The following USP34 variants were observed in gnomAD, a reference collection of about 807,000 sequenced individuals.
USP34 encodes the protein ubiquitin carboxyl-terminal hydrolase 34.
Under a neutral mutation model 460.3 loss-of-function variants are expected in USP34, and 70 were observed. The observed-to-expected ratio is 0.15, with a 90% CI of 0.13 to 0.19. The LOEUF (loss-of-function observed/expected upper bound fraction) is 0.19, where lower values mean the gene tolerates loss of function less well. Ranked by LOEUF, USP34 falls within the 10% of genes least tolerant of loss-of-function variation. The pLI is 1.00. For synonymous variants in USP34, 1,647 were observed against 1,405.3 expected, an observed-to-expected ratio of 1.17 and a Z score of -3.85; for missense variants, 3,985 against 4,236.2, an observed-to-expected ratio of 0.94 and a Z score of 1.65.
At chr2:61,271,383 A>G (rs1467718406) in intron 41 of USP34, among the ~76,000 whole-genome samples, 2 of 152,198 alleles carry the variant, frequency 1.3e-5, no homozygotes, top group African/African-American at 4.8e-5. Flanking sequence ...ATTTATTTCC[A>G]TGAAGTATAA....
intron 1 of USP34, among the ~76,000 whole-genome samples, chr2:61,447,143 T>A (rs1327925986): frequency 1.3e-5 from 2 of 151,198 alleles, no homozygotes; most frequent in East Asian, 3.9e-4. Context: ...CAGTCTCAGC[T>A]ACTCGGGAGG....
chr2:61,355,610 AAACAACAAC>A (rs140976123), intron 10 of USP34, among the ~76,000 whole-genome samples: 2 of 151,788 alleles, frequency 1.3e-5, no homozygotes, highest in Admixed American at 1.3e-4. Context: ...TTCACTACAA[AAACAACAAC>A]AACAACAACA....
At position 61,245,191 on chromosome 2, in the gene USP34, A is replaced by T. The variant is rs1449125466; in HGVS notation, c.6627+19T>A. The T allele has an allele frequency of 6.3e-7, 1 of 1,596,534 alleles. No homozygotes were observed. Among genetic ancestry groups the T allele is most frequent in the African/African-American group, 1.3e-5 (1 of 74,302 alleles). ...CTTGGAAGGACACAAACCATTTATA[A>T]TTTCTGAATAAAACTTACCGTCATC... On this transcript the variant is annotated intron_variant, in intron 51 of 79. Coordinates refer to ENST00000398571, the MANE Select transcript of USP34 (RefSeq NM_014709.4).
intron 1 of USP34, among the ~76,000 whole-genome samples, chr2:61,464,225 A>G (rs1198035253): frequency 6.6e-6 from 1 of 152,192 alleles, no homozygotes; most frequent in African/African-American, 2.4e-5. Flanking sequence ...AGGATGAGGC[A>G]GGAGAATCAC....
chr2:61,360,636 G>C (rs149557071), intron 10 of USP34, among the ~76,000 whole-genome samples: 1 of 152,122 alleles, frequency 6.6e-6, no homozygotes, highest in Non-Finnish European at 1.5e-5. Context: ...CAGAGTCAAC[G>C]CAATCCCTAT....
At chr2:61,307,949 T>A (rs890985758) in intron 27 of USP34, among the ~76,000 whole-genome samples, 1 of 152,044 alleles carries the variant, frequency 6.6e-6, no homozygotes, top group Admixed American at 6.6e-5. Flanking sequence ...CTCCGGAGAC[T>A]CAGGTGGCAG....
chr2:61,246,246 T>C, intron 50 of USP34, 78 bp downstream of exon 50: 1 of 1,243,476 alleles, frequency 8.0e-7, no homozygotes, highest in African/African-American at 1.5e-5. Context: ...TGGCAAGTTT[T>C]TAGAAAACTA....
intron 48 of USP34, among the ~76,000 whole-genome samples, chr2:61,251,694 T>C (rs1220120697): frequency 1.3e-5 from 2 of 152,210 alleles, no homozygotes. Context: ...ATCAGCTTTA[T>C]TCTAAGCAAA....
chr2:61,412,625 A>G (rs1443817468), intron 2 of USP34, among the ~76,000 whole-genome samples: 3 of 152,108 alleles, frequency 2.0e-5, no homozygotes, highest in African/African-American at 7.2e-5. Flanking sequence ...GCAGTGGCTC[A>G]CACCTGTAAT....
At chr2:61,389,888 G>GT (rs1693290023) in intron 5 of USP34, among the ~76,000 whole-genome samples, 1 of 151,888 alleles carries the variant, frequency 6.6e-6, no homozygotes, top group African/African-American at 2.4e-5. Flanking sequence ...CTTGCTCCCT[G>GT]TAACTGCAGA....
chr2:61,411,653 G>T (rs921584543), intron 2 of USP34, among the ~76,000 whole-genome samples: 3 of 152,000 alleles, frequency 2.0e-5, no homozygotes, highest in African/African-American at 7.3e-5. Context: ...TGTCCTTCTA[G>T]AGTGTTCTTA....
intron 78 of USP34, chr2:61,189,277 GTTTTT>G: frequency 3.9e-6 from 2 of 512,528 alleles, no homozygotes; most frequent in Middle Eastern, 5.5e-4. Flanking sequence ...TTTTTGTTTT[GTTTTT>G]GTTTTTTTTG....
In USP34 at chr2:61,411,869, C is replaced by T. The variant is rs537678823; in HGVS notation, c.132-5741G>A. Among the ~76,000 whole-genome samples, 9 of 152,184 alleles carry T rather than the reference C, an allele frequency of 5.9e-5. 1 individual carries two copies. In the South Asian group the frequency reaches 1.7e-3, roughly 28 times the overall value. ...AGATATGCGAGAAAAATTTTATCTG[C>T]CTTTGGATCATTGAAGGCAGATAAA... On this transcript the variant is annotated intron_variant, in intron 2 of 79. Coordinates refer to ENST00000398571, the MANE Select transcript of USP34 (RefSeq NM_014709.4).
Position 61,405,806 on chromosome 2 carries a change from C to T in USP34, c.454G>A (p.Asp152Asn). The change falls in exon 3 of 80, where the codon GAT (aspartate) becomes AAT (asparagine). Residue 152 changes from aspartate (D) to asparagine (N), a missense_variant. This residue lies in a region of USP34 where 331 missense variants were observed against 293.7 expected (regional missense o/e 1.13). Coordinates refer to ENST00000398571, the MANE Select transcript of USP34 (RefSeq NM_014709.4). The part of the protein sequence containing the change: ...SSDPFSLWST[D>N]EKEKLLLCVA... ...CATAGTAAGAGTTTTTCCTTCTCAT[C>T]TGTACTCCATAAACTAAAAGGATCA... The T allele has an allele frequency of 1.2e-6, 2 of 1,613,090 alleles. No individual in the cohort carries two copies. Among genetic ancestry groups the T allele is most frequent in the African/African-American group, 1.3e-5 (1 of 74,924 alleles).
intron 43 of USP34, among the ~76,000 whole-genome samples, chr2:61,260,826 A>G (rs1312475052): frequency 6.6e-6 from 1 of 152,186 alleles, no homozygotes; most frequent in Admixed American, 6.5e-5. Flanking sequence ...CTGGATTTAT[A>G]TTTTTATTAT....
intron 22 of USP34, 41 bp from the exon 23 acceptor site, chr2:61,317,808 G>T: frequency 7.1e-7 from 1 of 1,415,268 alleles, no homozygotes; most frequent in Non-Finnish European, 9.8e-7. Context: ...AATTTAGTGT[G>T]GTAATTCACA....
In USP34 at chr2:61,470,675, T is replaced by C. The variant is rs753376851; in HGVS notation, c.18A>G (p.Ala6=). The C allele has an allele frequency of 8.1e-6, 13 of 1,595,110 alleles. No homozygotes were observed. Among genetic ancestry groups the C allele is most frequent in the African/African-American group, 6.9e-5 (5 of 72,390 alleles). ...TTTCATTTAACACCTCCACCAGGTC[T>C]GCGCAGTTCTCGCACATCGTTCGGC... MCENC[A]DLVEVLNEIS... The change falls in exon 1 of 80, where the codon GCA becomes GCG. Residue 6 remains alanine (A), a synonymous_variant. Transcript: ENST00000398571.
At chr2:61,216,606 C>CAACAAAA (rs918920579) in intron 67 of USP34, among the ~76,000 whole-genome samples, 2 of 145,312 alleles carry the variant, frequency 1.4e-5, no homozygotes, top group Admixed American at 7.0e-5. Flanking sequence ...TCTCAAAAAA[C>CAACAAAA]AACAAAAAAC....
At chr2:61,343,224 TTTC>T (rs544958851) in intron 16 of USP34, among the ~76,000 whole-genome samples, 5 of 152,364 alleles carry the variant, frequency 3.3e-5, no homozygotes, top group African/African-American at 1.2e-4. Flanking sequence ...TGTTTTTCAC[TTTC>T]TTATTTTTTC....
Sources: allele counts gnomAD v4.1 joint callset (sites outside exome capture counted in the v4.1 genomes callset), GRCh38; gene constraint gnomAD v4.1.1; regional missense constraint gnomAD v4.1.1; transcripts MANE v1.5; gene names NCBI Gene and HGNC (gene_info 2026-07-23, HGNC 2026-07-21).